The following LRRC56 variants were observed in gnomAD, a reference collection of about 807,000 sequenced individuals.
The protein encoded by LRRC56 is leucine-rich repeat-containing protein 56.
Under a neutral mutation model 47.8 loss-of-function variants are expected in LRRC56, and 41 were observed. The ratio of observed to expected loss-of-function variants is 0.86; its 90% CI spans 0.67 to 1.11. LRRC56 has a LOEUF of 1.11. Among genes scored for constraint, LRRC56 ranks in the 50% most tolerant of loss-of-function variants. LRRC56 has a pLI of 0.00. For synonymous variants in LRRC56, 387 were observed against 311.2 expected (o/e 1.24, Z -2.56); for missense variants, 759 against 704.2 (o/e 1.08, Z -0.88).
At chr11:534,224 G>C (rs756934316), upstream of LRRC56, 1 of 1,612,328 alleles carries the variant, frequency 6.2e-7, no homozygotes, top group Non-Finnish European at 8.5e-7. Flanking sequence ...CTATAGTGGG[G>C]TCGTATTCGT....
At chr11:552,337 C>T (rs1411469157) in intron 12 of LRRC56, 105 bp downstream of exon 12, 10 of 1,453,044 alleles carry the variant, frequency 6.9e-6, no homozygotes, top group Middle Eastern at 2.3e-4. Context: ...GCTCGTGGAC[C>T]ATCCCTGCAT....
the LRRC56 span, chr11:532,264 T>C: frequency 2.3e-6 from 1 of 432,012 alleles, no homozygotes; most frequent in South Asian, 2.5e-5. Flanking sequence ...AATAATTTAC[T>C]GTGATCCCAT....
At chr11:534,529 C>A, upstream of LRRC56, 1 of 599,162 alleles carries the variant, frequency 1.7e-6, no homozygotes, top group East Asian at 2.8e-5. Context: ...TGTGCAGCTG[C>A]AACCCAGCGT....
chr11:548,748 G>A (rs1377978014), intron 6 of LRRC56, among the ~76,000 whole-genome samples: 7 of 152,144 alleles, frequency 4.6e-5, no homozygotes, highest in East Asian at 1.9e-4. Context: ...GTGAACCACC[G>A]CGCCCGGCCT....
the LRRC56 span, among the ~76,000 whole-genome samples, chr11:523,350 G>A: frequency 6.7e-6 from 1 of 150,308 alleles, no homozygotes; most frequent in Non-Finnish European, 1.5e-5. Flanking sequence ...AGCAATCTGG[G>A]GGCCGGGCGT....
chr11:553,881 C>T (rs753010581), intron 13 of LRRC56, 82 bp from the exon 14 acceptor site: 27 of 1,310,926 alleles, frequency 2.1e-5, no homozygotes, highest in African/African-American at 1.9e-4. Context: ...TGCAGGGCCA[C>T]GGGTGGGCTG....
At chr11:553,443 G>A (rs1020580621) in intron 13 of LRRC56, among the ~76,000 whole-genome samples, 4 of 152,200 alleles carry the variant, frequency 2.6e-5, no homozygotes, top group East Asian at 3.9e-4. Context: ...AGACAGAGGG[G>A]TCAACAGCTG....
At chr11:536,207 C>A (rs1459405934), upstream of LRRC56, among the ~76,000 whole-genome samples, 1 of 152,230 alleles carries the variant, frequency 6.6e-6, no homozygotes, top group Non-Finnish European at 1.5e-5. Flanking sequence ...TGGGGCCAGG[C>A]GTGAGAACGC....
At chr11:536,187 C>A (rs754233197), upstream of LRRC56, among the ~76,000 whole-genome samples, 74 of 152,354 alleles carry the variant, frequency 4.9e-4, no homozygotes, top group Middle Eastern at 6.8e-3. Flanking sequence ...GCGGGCGCAG[C>A]CGTGTGCCCT....
chr11:539,274 A>T (rs1234979181), intron 2 of LRRC56, among the ~76,000 whole-genome samples: 2 of 149,996 alleles, frequency 1.3e-5, no homozygotes, highest in African/African-American at 4.9e-5. Flanking sequence ...TTTAGTAGAG[A>T]TGGGGTTTCA....
At chr11:551,861 C>A (rs1232590766) in intron 10 of LRRC56, 34 bp downstream of exon 10, 2 of 1,609,722 alleles carry the variant, frequency 1.2e-6, no homozygotes, top group Non-Finnish European at 1.7e-6. Flanking sequence ...ACCCTGCAGC[C>A]CCTCGGCCCC....
chr11:529,876 G>A, the LRRC56 span: 4 of 152,178 alleles, frequency 2.6e-5, no homozygotes, highest in Non-Finnish European at 5.9e-5. Context: ...TCCCACATGG[G>A]GGCCTGGTCC....
the LRRC56 span, among the ~76,000 whole-genome samples, chr11:516,117 G>A: frequency 4.0e-4 from 61 of 152,228 alleles, no homozygotes; most frequent in Non-Finnish European, 6.8e-4. Flanking sequence ...TCTTGGGCCA[G>A]GTGCAAAGGT....
chr11:552,768 G>A lies in LRRC56; in HGVS notation c.1315+66G>A, dbSNP rs145766891. ...ACCAACACCCCACTTCTATAGGGGG[G>A]CCCTTACCCCAGATCAGATGTGTCA... On this transcript the variant is annotated intron_variant, in intron 13 of 13. Transcript: ENST00000270115. 7.8e-3 allele frequency: 11,057 copies of A among 1,410,340 alleles called. 74 individuals carry two copies. Among genetic ancestry groups the A allele is most frequent in the Admixed American group, 0.012 (556 of 47,370 alleles). The allele number at this position is 1,410,340 out of a possible 1,614,324, so 87.4% of individuals were successfully genotyped here.
At chr11:528,928 GGGGGGCTCT>G in the LRRC56 span, 1 of 152,382 alleles carries the variant, frequency 6.6e-6, no homozygotes, top group Non-Finnish European at 1.5e-5. Flanking sequence ...GGTGTCCGAG[GGGGGGCTCT>G]GCGTCCGGAG....
the LRRC56 span, among the ~76,000 whole-genome samples, chr11:525,327 C>G: frequency 0.024 from 3,582 of 152,058 alleles, 57 homozygotes; most frequent in Non-Finnish European, 0.034. Flanking sequence ...ATCACGAGGT[C>G]AGGAGATCGA....
At chr11:549,336 G>A (rs371537932) in intron 6 of LRRC56, among the ~76,000 whole-genome samples, 7 of 152,060 alleles carry the variant, frequency 4.6e-5, no homozygotes, top group Admixed American at 6.6e-5. Context: ...TGGGGACAGC[G>A]CATGGTGAAG....
At chr11:548,658 C>T (rs751853311) in intron 6 of LRRC56, among the ~76,000 whole-genome samples, 1 of 152,132 alleles carries the variant, frequency 6.6e-6, no homozygotes, top group Non-Finnish European at 1.5e-5. Flanking sequence ...TGGGGTTTCA[C>T]CGTGTTAACC....
upstream of LRRC56, chr11:533,722 C>T (rs753653328): frequency 1.2e-6 from 2 of 1,611,722 alleles, no homozygotes; most frequent in South Asian, 2.2e-5. Flanking sequence ...GGCCTGGCCC[C>T]ACCTGTGCGG....
Sources: gnomAD v4.1 joint callset for allele counts (sites outside exome capture counted in the v4.1 genomes callset) on GRCh38, gnomAD v4.1.1 for gene constraint, MANE v1.5 for transcripts, NCBI Gene and HGNC (gene_info 2026-07-23, HGNC 2026-07-21) for gene names.